Variants in AKT3 observed in about 807,000 individuals in gnomAD.
AKT3 encodes RAC-gamma serine/threonine-protein kinase.
Under a neutral mutation model 65.3 loss-of-function variants are expected in AKT3, and 15 were observed. That is an observed-to-expected ratio of 0.23 (90% confidence interval 0.15 to 0.35). The LOEUF (loss-of-function observed/expected upper bound fraction) is 0.35. Among genes scored for constraint, AKT3 ranks in the 10% least tolerant of loss-of-function variants. AKT3 has a pLI of 1.00. For missense variants in AKT3, 243 were observed against 576.5 expected, an observed-to-expected ratio of 0.42 and a Z score of 5.92; for synonymous variants, 206 against 183.8, an observed-to-expected ratio of 1.12 and a Z score of -0.98.
intron 8 of AKT3, among the ~76,000 whole-genome samples, chr1:243,579,059 T>A (rs1675146058): frequency 6.6e-6 from 1 of 152,104 alleles, no homozygotes; most frequent in Non-Finnish European, 1.5e-5. Flanking sequence ...ATAAAGAGAA[T>A]CAATATTCCA....
At chr1:243,746,849 CTG>C (rs1233266130) in intron 2 of AKT3, among the ~76,000 whole-genome samples, 2 of 151,544 alleles carry the variant, frequency 1.3e-5, no homozygotes, top group African/African-American at 4.9e-5. Flanking sequence ...ATTTTCAGCC[CTG>C]TGTTTTACCT....
intron 2 of AKT3, among the ~76,000 whole-genome samples, chr1:243,834,191 T>C (rs1411461151): frequency 6.6e-6 from 1 of 152,090 alleles, no homozygotes; most frequent in Non-Finnish European, 1.5e-5. Flanking sequence ...ATCATACATG[T>C]ATCATAAAGA....
At chr1:243,698,913 C>CA (rs536512566) in intron 2 of AKT3, among the ~76,000 whole-genome samples, 8,102 of 115,428 alleles carry the variant, frequency 0.07, 243 homozygotes, top group Middle Eastern at 0.11. Flanking sequence ...GAGGCTGGAC[C>CA]AAAAAAAAAA....
intron 4 of AKT3, among the ~76,000 whole-genome samples, chr1:243,662,242 A>G (rs956847841): frequency 6.6e-6 from 1 of 152,126 alleles, no homozygotes; most frequent in African/African-American, 2.4e-5. Context: ...TGCTGCTATA[A>G]AGACACATGC....
At chr1:243,539,312 T>C (rs540134119) in intron 12 of AKT3, among the ~76,000 whole-genome samples, 1 of 152,250 alleles carries the variant, frequency 6.6e-6, no homozygotes, top group African/African-American at 2.4e-5. Context: ...TAAATATATT[T>C]CCTCTTCCTT....
intron 10 of AKT3, among the ~76,000 whole-genome samples, chr1:243,561,199 A>G (rs1011002664): frequency 6.6e-5 from 10 of 152,142 alleles, no homozygotes; most frequent in African/African-American, 2.4e-4. Context: ...ATGTAAATGT[A>G]ATCCCTAGTT....
chr1:243,825,905 G>T (rs552769323), intron 2 of AKT3, among the ~76,000 whole-genome samples: 2 of 152,268 alleles, frequency 1.3e-5, no homozygotes, highest in Admixed American at 1.3e-4. Context: ...GCCAAGGCAG[G>T]CAGAACACCT....
chr1:243,810,152 G>C (rs768486815), intron 2 of AKT3, among the ~76,000 whole-genome samples: 1 of 152,154 alleles, frequency 6.6e-6, no homozygotes, highest in Non-Finnish European at 1.5e-5. Context: ...AAAGCTAGCA[G>C]AAGGCAACAA....
At chr1:243,523,594 A>G (rs1183160631) in intron 12 of AKT3, among the ~76,000 whole-genome samples, 6 of 152,206 alleles carry the variant, frequency 3.9e-5, no homozygotes, top group African/African-American at 1.4e-4. Flanking sequence ...TGAAGAAAAC[A>G]CTGAGCCCCT....
At chr1:243,689,069 CA>C (rs1684521258) in intron 3 of AKT3, among the ~76,000 whole-genome samples, 1 of 152,214 alleles carries the variant, frequency 6.6e-6, no homozygotes. Context: ...TCAACTTCTA[CA>C]GCAGCTACTT....
intron 2 of AKT3, among the ~76,000 whole-genome samples, chr1:243,830,631 A>G (rs1033562120): frequency 1.3e-5 from 2 of 152,208 alleles, no homozygotes; most frequent in African/African-American, 2.4e-5. Flanking sequence ...GTTGCCCACA[A>G]TATCTAAGAT....
intron 6 of AKT3, among the ~76,000 whole-genome samples, chr1:243,628,424 G>A (rs1376045225): frequency 1.3e-5 from 2 of 152,000 alleles, no homozygotes; most frequent in African/African-American, 4.8e-5. Context: ...TCAGCCAAAT[G>A]AGTAGCTGGT....
chr1:243,849,579 C>T (rs1695670534), intron 1 of AKT3, among the ~76,000 whole-genome samples: 3 of 151,954 alleles, frequency 2.0e-5, no homozygotes, highest in South Asian at 4.2e-4. Flanking sequence ...CACCGGCGCT[C>T]CACGCGTTAT....
chr1:243,800,695 C>T (rs80015400), intron 2 of AKT3, among the ~76,000 whole-genome samples: 76 of 150,602 alleles, frequency 5.0e-4, no homozygotes, highest in African/African-American at 1.7e-3. Context: ...TCCAGCCCAG[C>T]GACAGAGTGA....
chr1:243,601,665 C>T (rs1032901844), intron 8 of AKT3, among the ~76,000 whole-genome samples: 5 of 152,104 alleles, frequency 3.3e-5, no homozygotes, highest in African/African-American at 4.8e-5. Context: ...AGAACCCAAA[C>T]GTCTATCCAG....
At chr1:243,600,282 T>C (rs1179694835) in intron 8 of AKT3, among the ~76,000 whole-genome samples, 1 of 152,112 alleles carries the variant, frequency 6.6e-6, no homozygotes, top group Non-Finnish European at 1.5e-5. Flanking sequence ...TCCAGGAGGC[T>C]TTTATGTAGA....
At chr1:243,519,435 G>C (rs948533994) in intron 12 of AKT3, among the ~76,000 whole-genome samples, 1 of 152,146 alleles carries the variant, frequency 6.6e-6, no homozygotes, top group Non-Finnish European at 1.5e-5. Flanking sequence ...TAAAGCAATG[G>C]GTATGAAGAA....
intron 12 of AKT3, among the ~76,000 whole-genome samples, chr1:243,531,001 G>GT (rs1436082847): frequency 2.0e-5 from 3 of 152,098 alleles, no homozygotes; most frequent in Admixed American, 1.3e-4. Flanking sequence ...TCAAACATCT[G>GT]TTTTTTTCAG....
chr1:243,795,475 G>GTTTTTTTTTTT (rs369512939), intron 2 of AKT3, among the ~76,000 whole-genome samples: 6 of 88,012 alleles, frequency 6.8e-5, no homozygotes, highest in East Asian at 3.6e-4. Context: ...TTTTTTTTTT[G>GTTTTTTTTTTT]GTTTTTTTTT....
Sources: allele counts gnomAD v4.1 joint callset (sites outside exome capture counted in the v4.1 genomes callset), GRCh38; gene constraint gnomAD v4.1.1; transcripts MANE v1.5; gene names NCBI Gene and HGNC (gene_info 2026-07-23, HGNC 2026-07-21).